Variants in TLCD4 observed in about 807,000 individuals in gnomAD.
TLCD4 encodes TLC domain containing 4.
A neutral mutation model predicts 24.2 loss-of-function variants in TLCD4; 7 were observed. That is an observed-to-expected ratio of 0.29 (90% CI 0.16 to 0.54). TLCD4 has a LOEUF of 0.54. Ranked by LOEUF, TLCD4 falls within the 20% of genes least tolerant of loss-of-function variation. TLCD4 has a pLI of 0.95. For missense variants in TLCD4, 259 were observed against 313.9 expected (o/e 0.82, Z 1.32); for synonymous variants, 103 against 106.4 (o/e 0.97, Z 0.20).
upstream of TLCD4, among the ~76,000 whole-genome samples, chr1:95,114,279 A>G (rs781356414): frequency 1.1e-4 from 16 of 152,190 alleles, no homozygotes; most frequent in Non-Finnish European, 1.9e-4. Flanking sequence ...CACTAAAACT[A>G]CCAACACAGG....
intron 6 of TLCD4, among the ~76,000 whole-genome samples, chr1:95,185,977 GT>G (rs1678817532): frequency 6.6e-6 from 1 of 152,206 alleles, no homozygotes; most frequent in African/African-American, 2.4e-5. Flanking sequence ...GGCAGGACAG[GT>G]TTGGAAGCAA....
intron 5 of TLCD4, among the ~76,000 whole-genome samples, chr1:95,172,069 T>G (rs904253919): frequency 6.6e-6 from 1 of 152,212 alleles, no homozygotes; most frequent in Non-Finnish European, 1.5e-5. Flanking sequence ...GAACAGATTC[T>G]TCCCTAGTTG....
chr1:95,129,743 A>G (rs1463210465), intron 1 of TLCD4, among the ~76,000 whole-genome samples: 1 of 152,172 alleles, frequency 6.6e-6, no homozygotes, highest in Non-Finnish European at 1.5e-5. Context: ...TTCTGTGTCA[A>G]GAAAGGGAGT....
chr1:95,186,865 A>G (rs1196178620), intron 6 of TLCD4, among the ~76,000 whole-genome samples: 1 of 152,216 alleles, frequency 6.6e-6, no homozygotes, highest in African/African-American at 2.4e-5. Context: ...CTCTCATCCT[A>G]TATAAATTAT....
chr1:95,154,467 A>G (rs1677577518), intron 5 of TLCD4, among the ~76,000 whole-genome samples: 1 of 152,172 alleles, frequency 6.6e-6, no homozygotes, highest in Non-Finnish European at 1.5e-5. Flanking sequence ...AAGAGAACCC[A>G]GTATCTATAA....
rs1446422532 is a variant in TLCD4 at position 95,162,284 on chromosome 1, T to C, written c.399+10865T>C. Among the ~76,000 whole-genome samples, 4 of 151,872 alleles carry C rather than the reference T, an allele frequency of 2.6e-5. No homozygotes were observed. The East Asian group carries it at 7.7e-4, about 29-fold the overall frequency. On this transcript the variant is annotated intron_variant, in intron 5 of 6. Coordinates refer to ENST00000370203, the MANE Select transcript of TLCD4 (RefSeq NM_152487.3). ...CCTTCTTTGTCTCTTTTGATCTTTA[T>C]TGGTTTAAAGTCTATTTTATCAGAG...
At chr1:95,093,604 AG>A in the TLCD4 span, among the ~76,000 whole-genome samples, 2 of 152,194 alleles carry the variant, frequency 1.3e-5, no homozygotes, top group Admixed American at 1.3e-4. Flanking sequence ...GGGTGTCCCA[AG>A]GGATTGACTA....
intron 6 of TLCD4, among the ~76,000 whole-genome samples, chr1:95,176,419 G>T (rs1315160882): frequency 6.6e-6 from 1 of 152,026 alleles, no homozygotes; most frequent in Non-Finnish European, 1.5e-5. Flanking sequence ...TCGAACTCTT[G>T]ACCTCAAGTA....
chr1:95,186,231 A>G (rs138619232), intron 6 of TLCD4, among the ~76,000 whole-genome samples: 1 of 152,318 alleles, frequency 6.6e-6, no homozygotes, highest in African/African-American at 2.4e-5. Flanking sequence ...AGAGGTGAAT[A>G]GCAGAGAGAG....
At chr1:95,098,922 G>A in the TLCD4 span, among the ~76,000 whole-genome samples, 77,521 of 151,632 alleles carry the variant, frequency 0.51, 21,292 homozygotes, top group Non-Finnish European at 0.6. Context: ...TTAGCCGGGT[G>A]TGGTGGCGCA....
At chr1:95,188,260 C>G (rs186876354) in intron 6 of TLCD4, among the ~76,000 whole-genome samples, 403 of 151,994 alleles carry the variant, frequency 2.7e-3, no homozygotes, top group African/African-American at 8.8e-3. Flanking sequence ...TGGTGGCGGG[C>G]GCCTGTAGTC....
intron 5 of TLCD4, chr1:95,164,026 G>C (rs557924294): frequency 2.0e-5 from 3 of 152,356 alleles, no homozygotes; most frequent in Admixed American, 2.0e-4. Context: ...TGTCTTCAAA[G>C]CTGTCAGACA....
intron 1 of TLCD4, among the ~76,000 whole-genome samples, chr1:95,127,223 C>T (rs1676764811): frequency 6.6e-6 from 1 of 152,158 alleles, no homozygotes; most frequent in African/African-American, 2.4e-5. Context: ...AAGTGGGAGA[C>T]ATATGCTAAC....
chr1:95,193,187 GCTTA>G lies in TLCD4; in HGVS notation c.*1324_*1327del, dbSNP rs1213576394. ...TATTTTACTCACAATTCATACCCGT[GCTTA>G]CTTAGTTGGCATTTTAGTGCTTTGA... On this transcript the variant is annotated 3_prime_UTR_variant, in exon 7 of 7. Transcript: ENST00000370203. The G allele has an allele frequency of 1.3e-5, 2 of 151,834 alleles. No individual in the cohort carries two copies. Among genetic ancestry groups the G allele is most frequent in the African/African-American group, 4.8e-5 (2 of 41,350 alleles). The allele number at this position is 151,834 out of a possible 1,614,324, so 9.4% of individuals were successfully genotyped here.
chr1:95,099,475 CTA>C, the TLCD4 span, among the ~76,000 whole-genome samples: 2 of 108,030 alleles, frequency 1.9e-5, no homozygotes, highest in African/African-American at 5.4e-5. Context: ...CTAAAAAACT[CTA>C]TTTTTATTTA....
intron 6 of TLCD4, among the ~76,000 whole-genome samples, chr1:95,185,021 T>C (rs1678780232): frequency 1.3e-5 from 2 of 151,886 alleles, no homozygotes; most frequent in Non-Finnish European, 2.9e-5. Flanking sequence ...GTGACCAATT[T>C]CTTTTTTTTT....
Position 95,144,060 on chromosome 1 carries a change from A to C in TLCD4, c.155+4A>C. On this transcript the variant is annotated splice_donor_region_variant and intron_variant, in intron 2 of 6. Coordinates refer to ENST00000370203, the MANE Select transcript of TLCD4 (RefSeq NM_152487.3). ...AGAAGATTGAATGGAACTCAAGGTAAAGCATATGAAAATGTAATTGATGAC... is the reference window on the plus strand; with the variant it reads ...AGAAGATTGAATGGAACTCAAGGTACAGCATATGAAAATGTAATTGATGAC... The C allele has an allele frequency of 6.8e-7, 1 of 1,472,326 alleles. No individual in the cohort carries two copies. The allele number at this position is 1,472,326 out of a possible 1,614,324, so 91.2% of individuals were successfully genotyped here. A position where few individuals can be genotyped will look rare whatever the true frequency, so the allele number is the denominator to read the frequency against.
Position 95,191,988 on chromosome 1 carries a change from A to G in TLCD4, c.*120A>G. The G allele has an allele frequency of 6.9e-7, 1 of 1,450,782 alleles. No homozygotes were observed. The highest frequency in any genetic ancestry group is 9.0e-7 in the Non-Finnish European group (1 of 1,109,574). 89.9% of individuals were successfully genotyped at this position (1,450,782 alleles called of 1,614,324 possible). On this transcript the variant is annotated 3_prime_UTR_variant, in exon 7 of 7. Coordinates refer to ENST00000370203, the MANE Select transcript of TLCD4 (RefSeq NM_152487.3). ...AATTGTTATTCAGGATTTCAGTGTCATTTTTTTTAAACCTTAGAAAAGAGA... is the reference window on the plus strand; with the variant it reads ...AATTGTTATTCAGGATTTCAGTGTCGTTTTTTTTAAACCTTAGAAAAGAGA...
chr1:95,120,315 G>A (rs1007375904), intron 1 of TLCD4: 1 of 152,174 alleles, frequency 6.6e-6, no homozygotes, highest in African/African-American at 2.4e-5. Context: ...GAAAGTCTAG[G>A]TATTTCCAGA....
Sources: gnomAD v4.1 joint callset for allele counts (sites outside exome capture counted in the v4.1 genomes callset) on GRCh38, gnomAD v4.1.1 for gene constraint, MANE v1.5 for transcripts, NCBI Gene and HGNC (gene_info 2026-07-23, HGNC 2026-07-21) for gene names.